The following DNAJB14 variants were observed in gnomAD, a reference collection of about 807,000 sequenced individuals.
DNAJB14 encodes dnaJ homolog subfamily B member 14.
Under a neutral mutation model 48.4 loss-of-function variants are expected in DNAJB14, and 22 were observed. That is an observed-to-expected ratio of 0.45 (90% CI 0.32 to 0.65). The LOEUF (loss-of-function observed/expected upper bound fraction) is 0.65, where lower values mean the gene tolerates loss of function less well. Among genes scored for constraint, DNAJB14 ranks in the 30% least tolerant of loss-of-function variants. The pLI is 0.03. For missense variants in DNAJB14, 319 were observed against 458.8 expected, an observed-to-expected ratio of 0.70 and a Z score of 2.78; for synonymous variants, 142 against 158.7, an observed-to-expected ratio of 0.89 and a Z score of 0.79.
intron 2 of DNAJB14, chr4:99,924,212 T>G (rs1437661597): frequency 1.3e-5 from 2 of 152,202 alleles, no homozygotes; most frequent in Admixed American, 1.3e-4. Context: ...GATGACAGAG[T>G]TAGTGACAGG....
chr4:99,934,618 A>C (rs1332264745), intron 1 of DNAJB14, among the ~76,000 whole-genome samples: 3 of 151,718 alleles, frequency 2.0e-5, no homozygotes, highest in Non-Finnish European at 4.4e-5. Flanking sequence ...ACATGGTGAA[A>C]TCCTGTCTCT....
intron 4 of DNAJB14, among the ~76,000 whole-genome samples, chr4:99,906,925 A>G (rs1344562457): frequency 6.6e-6 from 1 of 152,168 alleles, no homozygotes; most frequent in Non-Finnish European, 1.5e-5. Context: ...GTTTTTATAA[A>G]TGTTGGATTA....
chr4:99,925,191 G>A lies in DNAJB14; in HGVS notation c.306-2006C>T, dbSNP rs1226334580. 7 of 186,622 alleles carry A rather than the reference G, an allele frequency of 3.8e-5. No individual in the cohort carries two copies. The East Asian group carries it at 1.1e-3, about 28-fold the overall frequency. 11.6% of individuals were successfully genotyped at this position (186,622 alleles called of 1,614,324 possible). A position where few individuals can be genotyped will look rare whatever the true frequency, so the allele number is the denominator to read the frequency against. ...CCCATGTACTTTAAATAATCTCTAG[G>A]TTATAAATAGTACCTAAGACAATGT... On this transcript the variant is annotated intron_variant, in intron 2 of 7. Transcript: ENST00000442697.
At chr4:99,928,814 A>G (rs1308210717) in intron 2 of DNAJB14, 1 of 155,606 alleles carries the variant, frequency 6.4e-6, no homozygotes. Flanking sequence ...CTCCCAACAT[A>G]AATTAAATCC....
At chr4:99,928,254 A>T (rs1726326658) in intron 2 of DNAJB14, 2 of 153,852 alleles carry the variant, frequency 1.3e-5, no homozygotes. Context: ...CCACTCTCTT[A>T]AGCTTTCAAC....
At position 99,946,534 on chromosome 4, in the gene DNAJB14, T is replaced by G; in HGVS notation, c.38A>C (p.Glu13Ala). Reference sequence around the variant, plus strand: ...GGCGTTCAGGGCCTCCCGGGCGATCTCGACACATTTCTCAGCCTCATCCCT... The same window carrying G: ...GGCGTTCAGGGCCTCCCGGGCGATCGCGACACATTTCTCAGCCTCATCCCT... ...GNRDEAEKCV[E>A]IAREALNAGN... The change falls in exon 1 of 8, where the codon GAG (glutamate) becomes GCG (alanine). Residue 13 changes from glutamate (E) to alanine (A), a missense_variant. This residue lies in a region of DNAJB14 where 116 missense variants were observed against 134.6 expected (regional missense o/e 0.86). Coordinates refer to ENST00000442697, the MANE Select transcript of DNAJB14 (RefSeq NM_001031723.4). 1.2e-6 allele frequency: 2 copies of G among 1,613,834 alleles called. No homozygotes were observed. The highest frequency in any genetic ancestry group is 1.7e-6 in the Non-Finnish European group (2 of 1,179,784).
At chr4:99,906,408 A>G in intron 5 of DNAJB14, 109 bp downstream of exon 5, 1 of 1,123,652 alleles carries the variant, frequency 8.9e-7, no homozygotes, top group South Asian at 1.4e-5. Context: ...CACCTCTAGT[A>G]AGAGAAAACT....
At chr4:99,938,301 A>G (rs1726762119) in intron 1 of DNAJB14, among the ~76,000 whole-genome samples, 1 of 150,626 alleles carries the variant, frequency 6.6e-6, no homozygotes, top group South Asian at 2.1e-4. Flanking sequence ...TATCTGGAGA[A>G]TAAAACATCA....
intron 1 of DNAJB14, among the ~76,000 whole-genome samples, chr4:99,934,597 TA>T (rs1726597911): frequency 6.6e-6 from 1 of 151,260 alleles, no homozygotes; most frequent in Non-Finnish European, 1.5e-5. Flanking sequence ...AGTTCAAGAC[TA>T]GCCTGGTCAA....
At chr4:99,913,172 T>C (rs1255805863) in intron 3 of DNAJB14, among the ~76,000 whole-genome samples, 1 of 152,212 alleles carries the variant, frequency 6.6e-6, no homozygotes, top group African/African-American at 2.4e-5. Flanking sequence ...ATGCCTTTTA[T>C]TTCCTTTTTC....
rs1418159712 is a variant in DNAJB14 at position 99,897,196 on chromosome 4, A to AG, written c.*3831_*3832insC. ...TGAGGTAATTAGCTGGGAAAAAAAA[A>AG]AAAAAATATATATATATATATATAC... On this transcript the variant is annotated 3_prime_UTR_variant, in exon 8 of 8. Transcript: ENST00000442697. 3 of 138,582 alleles carry AG rather than the reference A, an allele frequency of 2.2e-5. No individual in the cohort carries two copies. Among genetic ancestry groups the AG allele is most frequent in the Admixed American group, 7.2e-5 (1 of 13,870 alleles). 8.6% of individuals were successfully genotyped at this position (138,582 alleles called of 1,614,324 possible). A position where few individuals can be genotyped will look rare whatever the true frequency, so the allele number is the denominator to read the frequency against.
Position 99,906,602 on chromosome 4 carries a change from T to C in DNAJB14, c.647A>G (p.His216Arg), listed in dbSNP as rs1345768123. ...FGGGFPSGSV[H>R]SFSNGRAGYS... Reference sequence around the variant, plus strand: ...ACCAGCTCTTCCATTTGAAAAAGAATGTACACTACCTAAAAAATTAAAAGC... The same window carrying C: ...ACCAGCTCTTCCATTTGAAAAAGAACGTACACTACCTAAAAAATTAAAAGC... Residue 216 changes from histidine (H) to arginine (R), a missense_variant, in exon 5 of 8, where the codon CAT (histidine) becomes CGT (arginine). Coordinates refer to ENST00000442697, the MANE Select transcript of DNAJB14 (RefSeq NM_001031723.4). The C allele has an allele frequency of 6.2e-7, 1 of 1,611,024 alleles. No homozygotes were observed. Among genetic ancestry groups the C allele is most frequent in the Non-Finnish European group, 8.5e-7 (1 of 1,179,144 alleles).
At chr4:99,937,508 T>G (rs994969821) in intron 1 of DNAJB14, among the ~76,000 whole-genome samples, 4 of 151,778 alleles carry the variant, frequency 2.6e-5, no homozygotes, top group Admixed American at 2.6e-4. Flanking sequence ...GCTGATCACT[T>G]GAGCCCAGGG....
At chr4:99,905,496 A>T (rs1343951028) in intron 6 of DNAJB14, 101 bp downstream of exon 6, 23 of 768,128 alleles carry the variant, frequency 3.0e-5, no homozygotes, top group Non-Finnish European at 2.6e-5. Context: ...GCAGTAATAG[A>T]TTTGGCACTT....
chr4:99,908,181 T>C (rs1274761510), intron 4 of DNAJB14, among the ~76,000 whole-genome samples: 1 of 148,980 alleles, frequency 6.7e-6, no homozygotes. Context: ...GATAGTCTAG[T>C]TAAAGTTAGC....
chr4:99,921,216 T>C (rs1405797638), intron 3 of DNAJB14, among the ~76,000 whole-genome samples: 2 of 152,266 alleles, frequency 1.3e-5, no homozygotes, highest in African/African-American at 4.8e-5. Context: ...ACTGGCATTC[T>C]GATTTACAGG....
In DNAJB14 at chr4:99,900,982, A is replaced by G. The variant is rs1298198313; in HGVS notation, c.*46T>C. The G allele has an allele frequency of 6.4e-7, 1 of 1,568,344 alleles. No individual in the cohort carries two copies. On this transcript the variant is annotated 3_prime_UTR_variant, in exon 8 of 8. Transcript: ENST00000442697. ...TCATGATGAAACCAAACTTACTTAC[A>G]GAAAAAATAAAGAGTACGCTAAAAG...
At chr4:99,911,976 A>C (rs754852848) in intron 3 of DNAJB14, among the ~76,000 whole-genome samples, 1 of 152,182 alleles carries the variant, frequency 6.6e-6, no homozygotes, top group Non-Finnish European at 1.5e-5. Context: ...TAGATCCTAA[A>C]GATTGACTCC....
chr4:99,940,526 G>A (rs1246634482), intron 1 of DNAJB14, among the ~76,000 whole-genome samples: 1 of 152,182 alleles, frequency 6.6e-6, no homozygotes, highest in Admixed American at 6.5e-5. Context: ...AGGAGGCGGA[G>A]GTTGCGGTGA....
Sources: allele counts gnomAD v4.1 joint callset (sites outside exome capture counted in the v4.1 genomes callset), GRCh38; gene constraint gnomAD v4.1.1; regional missense constraint gnomAD v4.1.1; transcripts MANE v1.5; gene names NCBI Gene and HGNC (gene_info 2026-07-23, HGNC 2026-07-21).